NLRP7: variants seen among roughly 807,000 people sequenced by gnomAD.
NLRP7 encodes NLR family pyrin domain containing 7, also known as NACHT, LRR and PYD domains-containing protein 7.
In NLRP7, 72 loss-of-function variants were observed where a neutral mutation model predicts 85.5. That is an observed-to-expected ratio of 0.84 (90% CI 0.70 to 1.02). NLRP7 has a LOEUF of 1.02. Among genes scored for constraint, NLRP7 ranks in the 50% least tolerant of loss-of-function variants. The probability of loss-of-function intolerance (pLI) is 0.00; values close to 1 mark genes in which losing one functional copy is unlikely to be tolerated. For synonymous variants in NLRP7, 550 were observed against 505.2 expected (o/e 1.09, Z -1.19); for missense variants, 1,243 against 1,219.5 (o/e 1.02, Z -0.29).
At chr19:54,963,508 T>C (rs1041882294) in intron 1 of NLRP7, among the ~76,000 whole-genome samples, 1 of 151,290 alleles carries the variant, frequency 6.6e-6, no homozygotes, top group Admixed American at 6.6e-5. Context: ...GCCAACATAG[T>C]GAAACCCCAT....
At chr19:54,927,625 AG>A in intron 9 of NLRP7, 2 of 1,614,164 alleles carry the variant, frequency 1.2e-6, no homozygotes, top group Admixed American at 1.7e-5. Flanking sequence ...TCAAGGATCC[AG>A]TTCTTTGTCT....
intron 1 of NLRP7, among the ~76,000 whole-genome samples, chr19:54,956,442 G>T (rs1354679804): frequency 6.7e-6 from 1 of 150,320 alleles, no homozygotes; most frequent in Non-Finnish European, 1.5e-5. Flanking sequence ...GTCATTCCAG[G>T]ATTTTGGGAG....
intron 1 of NLRP7, among the ~76,000 whole-genome samples, chr19:54,946,249 T>G (rs1243475431): frequency 6.6e-6 from 1 of 151,096 alleles, no homozygotes; most frequent in Non-Finnish European, 1.5e-5. Flanking sequence ...TTCACTCTGG[T>G]TGCCCAGGCT....
chr19:54,930,534 T>G, exon 9 of NLRP7: 1 of 1,610,940 alleles, frequency 6.2e-7, no homozygotes, highest in African/African-American at 1.3e-5. Context: ...GATTCTCTAA[T>G]GCCTGACAGA....
At chr19:54,924,017 G>C (rs2068331316) in intron 9 of NLRP7, 145 bp from the exon 11 acceptor site, 1 of 845,602 alleles carries the variant, frequency 1.2e-6, no homozygotes, top group Non-Finnish European at 1.9e-6. Context: ...GCCCAGGCTG[G>C]GGTACAGTGG....
intron 6 of NLRP7, among the ~76,000 whole-genome samples, chr19:54,935,964 G>C (rs113302823): frequency 6.6e-6 from 1 of 152,250 alleles, no homozygotes; most frequent in Non-Finnish European, 1.5e-5. Context: ...AAAGGCTGGG[G>C]GCCACTGCTC....
chr19:54,925,954 C>A (rs1026395524), intron 9 of NLRP7, among the ~76,000 whole-genome samples: 1 of 151,226 alleles, frequency 6.6e-6, no homozygotes, highest in Non-Finnish European at 1.5e-5. Flanking sequence ...GAGCCGAGAT[C>A]GCACCGCTTC....
intron 1 of NLRP7, among the ~76,000 whole-genome samples, chr19:54,965,570 C>T (rs2070337281): frequency 1.3e-5 from 1 of 74,354 alleles, no homozygotes; most frequent in Non-Finnish European, 2.7e-5. Flanking sequence ...ATTCTCCTGC[C>T]TCAGCCTCCC....
In NLRP7 at chr19:54,938,130, T is replaced by C; in HGVS notation, c.2043A>G (p.Glu681=). The C allele has an allele frequency of 1.9e-6, 3 of 1,614,094 alleles. No homozygotes were observed. The South Asian group carries it at 3.3e-5, about 18-fold the overall frequency. ...AGTCACTCAGGAAGCTTTGTTTCAC[T>C]TCCAGAAACTTGAGGTTGCTGTTTG... The change falls in exon 5 of 10, where the codon GAA becomes GAG. Residue 681 remains glutamate, a synonymous_variant. Coordinates refer to ENST00000340844, the Ensembl canonical transcript of NLRP7.
In NLRP7 at chr19:54,939,337, G is replaced by A. The variant is rs765223067; in HGVS notation, c.1482C>T (p.Ala494=). ...GCTTCTGTACGTCCCCGATGTCCCA[G>A]GCGTGGCCGTCCCTGTCCTCCCCCT... Residue 494 remains alanine, a synonymous_variant, in exon 4 of 10, where the codon GCC becomes GCT. Coordinates refer to ENST00000340844, the Ensembl canonical transcript of NLRP7. 1.1e-5 allele frequency: 18 copies of A among 1,614,130 alleles called. No individual in the cohort carries two copies. In the East Asian group the frequency reaches 3.8e-4, roughly 34 times the overall value.
At chr19:54,931,452 G>C (rs1042905949) in intron 8 of NLRP7, among the ~76,000 whole-genome samples, 1 of 152,108 alleles carries the variant, frequency 6.6e-6, no homozygotes, top group African/African-American at 2.4e-5. Flanking sequence ...CACTTTGGGA[G>C]GCTGAGGCAG....
intron 1 of NLRP7, among the ~76,000 whole-genome samples, chr19:54,962,847 C>A (rs1228788180): frequency 2.0e-4 from 30 of 151,590 alleles, no homozygotes; most frequent in African/African-American, 7.0e-4. Context: ...GATCCGCCCG[C>A]CTCGGCCTCC....
At chr19:54,963,750 G>A (rs1461359079) in intron 1 of NLRP7, among the ~76,000 whole-genome samples, 1 of 150,058 alleles carries the variant, frequency 6.7e-6, no homozygotes, top group East Asian at 2.0e-4. Context: ...CTTGAACTCT[G>A]GAGGCGGAGG....
chr19:54,942,119 G>A (rs2069255252), intron 1 of NLRP7, among the ~76,000 whole-genome samples: 2 of 152,148 alleles, frequency 1.3e-5, no homozygotes, highest in South Asian at 4.2e-4. Flanking sequence ...AGCAGGGCGT[G>A]GTGGCGGGCA....
At chr19:54,964,269 T>G (rs1324280662) in intron 1 of NLRP7, among the ~76,000 whole-genome samples, 26 of 128,672 alleles carry the variant, frequency 2.0e-4, no homozygotes, top group African/African-American at 7.8e-4. Context: ...CAGGCTGGAG[T>G]GCAGTGGCGC....
chr19:54,925,999 T>G (rs944169565), intron 9 of NLRP7, among the ~76,000 whole-genome samples: 1 of 148,902 alleles, frequency 6.7e-6, no homozygotes, highest in South Asian at 2.1e-4. Context: ...GGAGTCTCTG[T>G]CTCAAAAAAA....
intron 1 of NLRP7, among the ~76,000 whole-genome samples, chr19:54,952,756 C>CA (rs984627949): frequency 6.6e-6 from 1 of 152,120 alleles, no homozygotes; most frequent in African/African-American, 2.4e-5. Context: ...GACCTACTGT[C>CA]AGAGGCGTGT....
chr19:54,959,386 C>A (rs1452860057), intron 1 of NLRP7, among the ~76,000 whole-genome samples: 1 of 151,432 alleles, frequency 6.6e-6, no homozygotes, highest in East Asian at 1.9e-4. Flanking sequence ...ATCCACCCGC[C>A]TTGGCCTCCC....
At chr19:54,937,215 C>CAA (rs570045116) in intron 5 of NLRP7, among the ~76,000 whole-genome samples, 5 of 77,588 alleles carry the variant, frequency 6.4e-5, no homozygotes, top group Non-Finnish European at 1.1e-4. Context: ...GAGACTGTCT[C>CAA]AAAAAAAAAA....
Sources: allele counts gnomAD v4.1 joint callset (sites outside exome capture counted in the v4.1 genomes callset), GRCh38; gene constraint gnomAD v4.1.1; transcripts MANE v1.5; gene names NCBI Gene and HGNC (gene_info 2026-07-23, HGNC 2026-07-21).